Variants in NSD1 observed in about 807,000 individuals in gnomAD.
NSD1 encodes histone-lysine N-methyltransferase, H3 lysine-36 specific.
NSD1 carries 26 observed loss-of-function variants against 242.7 expected under a neutral mutation model. That is an observed-to-expected ratio of 0.11 (90% confidence interval 0.08 to 0.15). NSD1 has a LOEUF of 0.15. Among genes scored for constraint, NSD1 ranks in the 10% least tolerant of loss-of-function variants. The probability of loss-of-function intolerance (pLI) is 1.00; values close to 1 mark genes in which losing one functional copy is unlikely to be tolerated. For missense variants in NSD1, 2,495 were observed against 3,272.8 expected, an observed-to-expected ratio of 0.76 and a Z score of 5.80; for synonymous variants, 1,106 against 1,178.1, an observed-to-expected ratio of 0.94 and a Z score of 1.25.
intron 11 of NSD1, among the ~76,000 whole-genome samples, chr5:177,248,847 A>G (rs1203257496): frequency 6.6e-6 from 1 of 152,220 alleles, no homozygotes; most frequent in African/African-American, 2.4e-5. Flanking sequence ...TCTCATAAGT[A>G]GAGTTCTATG....
In NSD1 at chr5:177,175,879, C is replaced by CT. The variant is rs778560139; in HGVS notation, c.928-15991dup. On this transcript the variant is annotated intron_variant, in intron 2 of 22. Coordinates refer to ENST00000439151, the MANE Select transcript of NSD1 (RefSeq NM_022455.5). ...TAAACATTATTCGATTGCAAAAATT[C>CT]TTTTTTTTTTTTTTGAAATGGAGTC... 6.5e-3 allele frequency among the ~76,000 whole-genome samples: 928 copies of CT among 142,686 alleles called. 7 individuals are homozygous for CT. Among genetic ancestry groups the CT allele is most frequent in the African/African-American group, 0.019 (760 of 39,118 alleles). The allele number at this position is 142,686 out of a possible 152,430, so 93.6% of individuals were successfully genotyped here. A position where few individuals can be genotyped will look rare whatever the true frequency, so the allele number is the denominator to read the frequency against.
At chr5:177,236,084 A>AC in intron 6 of NSD1, 139 bp downstream of exon 6, 1 of 865,842 alleles carries the variant, frequency 1.2e-6, no homozygotes, top group East Asian at 2.6e-5. Flanking sequence ...CTAGCACAGT[A>AC]CTTAGGATTT....
intron 2 of NSD1, among the ~76,000 whole-genome samples, chr5:177,144,629 T>C (rs1757085095): frequency 3.3e-5 from 5 of 152,182 alleles, no homozygotes. Context: ...ATGTTTAATT[T>C]ATTCTTCCTG....
chr5:177,201,758 C>T (rs969089231), intron 3 of NSD1, among the ~76,000 whole-genome samples: 1 of 151,582 alleles, frequency 6.6e-6, no homozygotes, highest in Non-Finnish European at 1.5e-5. Flanking sequence ...AGGGCTTTAC[C>T]ATGTTGGCCA....
At chr5:177,250,662 A>G (rs1755865992) in intron 11 of NSD1, among the ~76,000 whole-genome samples, 1 of 152,040 alleles carries the variant, frequency 6.6e-6, no homozygotes, top group Admixed American at 6.6e-5. Context: ...TGTGAATAGT[A>G]GATAATGGGG....
chr5:177,144,553 A>G (rs919106740), intron 2 of NSD1, among the ~76,000 whole-genome samples: 3 of 152,136 alleles, frequency 2.0e-5, no homozygotes, highest in East Asian at 3.8e-4. Context: ...CTGTATTCCA[A>G]CTGTTAAGTG....
At chr5:177,271,136 G>A (rs566985976) in intron 16 of NSD1, among the ~76,000 whole-genome samples, 52 of 152,134 alleles carry the variant, frequency 3.4e-4, no homozygotes, top group African/African-American at 1.2e-3. Context: ...TGACTTCTTC[G>A]AGCTTGTATT....
chr5:177,194,057 G>A (rs189113951), intron 3 of NSD1, among the ~76,000 whole-genome samples: 120 of 152,284 alleles, frequency 7.9e-4, no homozygotes, highest in Admixed American at 3.7e-3. Context: ...GATTACAGGC[G>A]TGAGCCACCA....
Position 177,210,864 on chromosome 5 carries a change from C to T in NSD1, c.2465C>T (p.Ser822Phe), listed in dbSNP as rs377684553. 6.2e-7 allele frequency: 1 copy of T among 1,614,204 alleles called. No individual in the cohort carries two copies. The highest frequency in any genetic ancestry group is 1.1e-5 in the South Asian group (1 of 91,076). The change falls in exon 5 of 23, where the codon TCT (serine) becomes TTT (phenylalanine). Residue 822 changes from serine (S) to phenylalanine (F), a missense_variant. Physicochemically the swap from Ser to Phe is radical, Grantham distance 155. Transcript: ENST00000439151. ...LKCCSSDTKG[S>F]PLASISKSGK... is the part of the protein sequence containing the mutation. ...TGCTGCTCTTCTGATACCAAAGGCT[C>T]TCCTTTGGCCAGCATTTCTAAAAGT...
At chr5:177,167,006 A>G (rs1759261506) in intron 2 of NSD1, among the ~76,000 whole-genome samples, 1 of 151,448 alleles carries the variant, frequency 6.6e-6, no homozygotes, top group African/African-American at 2.4e-5. Flanking sequence ...TCGGCCTCCC[A>G]AAGTGCTGGG....
intron 11 of NSD1, among the ~76,000 whole-genome samples, chr5:177,248,643 A>T (rs1196189813): frequency 6.6e-6 from 1 of 152,208 alleles, no homozygotes; most frequent in African/African-American, 2.4e-5. Flanking sequence ...ATGGTGTCAC[A>T]ATCTTTGGGT....
chr5:177,182,791 TTAC>T (rs1760801530), intron 2 of NSD1, among the ~76,000 whole-genome samples: 1 of 152,020 alleles, frequency 6.6e-6, no homozygotes, highest in Non-Finnish European at 1.5e-5. Flanking sequence ...GCGCCTGCCA[TTAC>T]GCCTGGCTAA....
chr5:177,136,329 T>TAAAA, intron 2 of NSD1: 1 of 175,858 alleles, frequency 5.7e-6, no homozygotes, highest in Non-Finnish European at 1.2e-5. Context: ...CATATATGAT[T>TAAAA]AAAAAAAAAA....
At chr5:177,200,729 ATTTC>A (rs888265233) in intron 3 of NSD1, among the ~76,000 whole-genome samples, 5 of 151,934 alleles carry the variant, frequency 3.3e-5, no homozygotes, top group African/African-American at 1.2e-4. Flanking sequence ...ATGTTTCTGA[ATTTC>A]TTTCTCTCTC....
chr5:177,266,999 G>T (rs1343993811), intron 14 of NSD1, among the ~76,000 whole-genome samples: 1 of 152,142 alleles, frequency 6.6e-6, no homozygotes, highest in African/African-American at 2.4e-5. Flanking sequence ...CGAGTAGCTG[G>T]GAATACAGGC....
intron 3 of NSD1, among the ~76,000 whole-genome samples, chr5:177,192,363 A>G (rs1761760797): frequency 6.6e-6 from 1 of 150,940 alleles, no homozygotes; most frequent in African/African-American, 2.4e-5. Flanking sequence ...GGCATCCGCC[A>G]CCACGCTTGG....
intron 2 of NSD1, among the ~76,000 whole-genome samples, chr5:177,178,035 C>T (rs1760349721): frequency 6.6e-6 from 1 of 152,084 alleles, no homozygotes; most frequent in South Asian, 2.1e-4. Flanking sequence ...GCTGGAACTA[C>T]AGGCATGCGC....
intron 2 of NSD1, among the ~76,000 whole-genome samples, chr5:177,159,030 G>GATATATATATATATATATATATGAATGAT (rs35942745): frequency 2.6e-5 from 3 of 113,874 alleles, no homozygotes; most frequent in African/African-American, 1.3e-4. Flanking sequence ...ATATATGAAT[G>GATATATATATATATATATATATGAATGAT]ATATATATAT....
At chr5:177,176,749 T>C (rs1165748826) in intron 2 of NSD1, among the ~76,000 whole-genome samples, 1 of 152,210 alleles carries the variant, frequency 6.6e-6, no homozygotes, top group African/African-American at 2.4e-5. Context: ...ATACATTGTG[T>C]TGGAAGAGCT....
Sources: gnomAD v4.1 joint callset for allele counts (sites outside exome capture counted in the v4.1 genomes callset) on GRCh38, gnomAD v4.1.1 for gene constraint, MANE v1.5 for transcripts, NCBI Gene and HGNC (gene_info 2026-07-23, HGNC 2026-07-21) for gene names.